Variants in MED27 observed in about 807,000 individuals in gnomAD.
MED27 encodes the protein mediator complex subunit 27.
In MED27, 30 loss-of-function variants were observed where a neutral mutation model predicts 38.2. That is an observed-to-expected ratio of 0.79 (90% CI 0.59 to 1.07). The LOEUF is 1.07. MED27 is among the 50% of genes least tolerant of loss of function. The pLI is 0.00. For synonymous variants in MED27, 122 were observed against 153.5 expected (o/e 0.79, Z 1.52); for missense variants, 289 against 397.5 (o/e 0.73, Z 2.32).
Position 131,913,867 on chromosome 9 carries a change from C to A in MED27, c.574-19875G>T, listed in dbSNP as rs953242106. On this transcript the variant is annotated intron_variant, in intron 4 of 7. Transcript: ENST00000292035. The surrounding 1 kb of genome is among the most constrained non-coding windows in gnomAD (Gnocchi z 4.5). ...TGGCGTGGTACCAAACGCAGGACAG[C>A]ACTCTGCCAGTCTTTGCTGAATGGC... Among the ~76,000 whole-genome samples, 6 of 152,216 alleles carry A rather than the reference C, an allele frequency of 3.9e-5. No homozygotes were observed. Among genetic ancestry groups the A allele is most frequent in the Admixed American group, 2.6e-4 (4 of 15,288 alleles).
At position 131,935,300 on chromosome 9, in the gene MED27, C is replaced by T. The variant is rs1168040327; in HGVS notation, c.573+4081G>A. Among the ~76,000 whole-genome samples the T allele has an allele frequency of 2.0e-5, 3 of 152,166 alleles. No individual in the cohort carries two copies. The East Asian group carries it at 5.8e-4, about 29-fold the overall frequency. The stretch of plus-strand genomic sequence containing the variant: ...CATTTACCAGGATTTGATGATTACA[C>T]ATCACAGGCCTGTATCAAAGTGTCT... On this transcript the variant is annotated intron_variant, in intron 4 of 7. Transcript: ENST00000292035.
chr9:131,984,292 T>C (rs1377553678), intron 3 of MED27, among the ~76,000 whole-genome samples: 3 of 152,180 alleles, frequency 2.0e-5, no homozygotes, highest in Admixed American at 2.0e-4. Context: ...ATTGTTTGTC[T>C]TCCATATTCT....
At chr9:132,032,946 C>A (rs1832994811) in intron 2 of MED27, among the ~76,000 whole-genome samples, 1 of 152,170 alleles carries the variant, frequency 6.6e-6, no homozygotes, top group South Asian at 2.1e-4. Flanking sequence ...ATTCACCTTT[C>A]CAACAAATTT....
At chr9:131,944,670 T>G (rs190509708) in intron 3 of MED27, among the ~76,000 whole-genome samples, 5 of 152,204 alleles carry the variant, frequency 3.3e-5, no homozygotes, top group Admixed American at 2.0e-4. Context: ...TAGCTGGGAT[T>G]ACAGGCACCC....
At chr9:131,943,286 A>T (rs943712270) in intron 3 of MED27, among the ~76,000 whole-genome samples, 1 of 152,216 alleles carries the variant, frequency 6.6e-6, no homozygotes, top group Non-Finnish European at 1.5e-5. Context: ...TTCGAAACAC[A>T]AATCAACCAC....
intron 3 of MED27, among the ~76,000 whole-genome samples, chr9:131,950,682 C>T (rs968561997): frequency 4.6e-5 from 7 of 152,106 alleles, no homozygotes; most frequent in East Asian, 3.9e-4. Context: ...CTGAGGAAAC[C>T]GCAGAACCCC....
At chr9:131,895,049 C>T (rs1329480985) in intron 4 of MED27, among the ~76,000 whole-genome samples, 4 of 152,128 alleles carry the variant, frequency 2.6e-5, no homozygotes, top group East Asian at 1.9e-4. Context: ...CAAAAGCCCT[C>T]GCCAGACGGT....
rs565643440 is a variant in MED27, at chr9:131,872,491, A to G, written c.724-9351T>C. ...CCAGACTGTGGCTTCCCTCCAGCCA[A>G]TATCGGCTTCTACGTACTGTGAAGA... On this transcript the variant is annotated intron_variant, in intron 6 of 7. Transcript: ENST00000292035. This position sits in a 1 kb window ranked among gnomAD's most constrained non-coding sequence, Gnocchi z 5.6. Among the ~76,000 whole-genome samples the G allele has an allele frequency of 3.3e-5, 5 of 152,368 alleles. No individual in the cohort carries two copies. The highest frequency in any genetic ancestry group is 2.0e-4 in the Admixed American group (3 of 15,306).
chr9:131,909,506 T>C (rs1830149238), intron 4 of MED27, among the ~76,000 whole-genome samples: 1 of 152,218 alleles, frequency 6.6e-6, no homozygotes, highest in African/African-American at 2.4e-5. Flanking sequence ...ATAAGGCAGA[T>C]TCAAGTCCAG....
At chr9:131,914,185 G>A (rs1830244208) in intron 4 of MED27, among the ~76,000 whole-genome samples, 1 of 152,170 alleles carries the variant, frequency 6.6e-6, no homozygotes, top group South Asian at 2.1e-4. Context: ...CACTCAAAAA[G>A]TATTTGATGA....
intron 3 of MED27, among the ~76,000 whole-genome samples, chr9:131,955,660 T>C (rs1831081929): frequency 6.6e-6 from 1 of 152,202 alleles, no homozygotes; most frequent in Admixed American, 6.5e-5. Context: ...CTTTGAAAGA[T>C]GTAAGTTATA....
At chr9:131,985,782 C>A (rs1276512696) in intron 3 of MED27, among the ~76,000 whole-genome samples, 1 of 151,520 alleles carries the variant, frequency 6.6e-6, no homozygotes, top group Non-Finnish European at 1.5e-5. Flanking sequence ...CAGGAGGGAT[C>A]CAGAAGAAGG....
chr9:132,058,712 C>A (rs1418666775), intron 2 of MED27, among the ~76,000 whole-genome samples: 8 of 152,236 alleles, frequency 5.3e-5, no homozygotes. Context: ...GTGAAGGTCA[C>A]CGGATGACAC....
chr9:132,068,403 C>T (rs1031851755), intron 2 of MED27, among the ~76,000 whole-genome samples: 2 of 152,104 alleles, frequency 1.3e-5, no homozygotes, highest in African/African-American at 4.8e-5. Context: ...CGAAGAGTGA[C>T]AAAATCAGAT....
At chr9:132,019,059 T>G (rs1473610016) in intron 2 of MED27, among the ~76,000 whole-genome samples, 1 of 152,194 alleles carries the variant, frequency 6.6e-6, no homozygotes, top group Non-Finnish European at 1.5e-5. Flanking sequence ...CACCATCTCC[T>G]CTGCCAGTCA....
chr9:131,946,883 T>A (rs1308194654), intron 3 of MED27, among the ~76,000 whole-genome samples: 1 of 152,238 alleles, frequency 6.6e-6, no homozygotes, highest in South Asian at 2.1e-4. Flanking sequence ...CACACTTCCC[T>A]TGGCACCCCA....
chr9:132,011,968 A>G (rs1832496270), intron 3 of MED27, among the ~76,000 whole-genome samples: 1 of 142,382 alleles, frequency 7.0e-6, no homozygotes, highest in East Asian at 2.0e-4. Context: ...TTTTTTTGGC[A>G]TGAGAACAGT....
Position 131,869,081 on chromosome 9 carries a change from C to T in MED27, c.724-5941G>A, listed in dbSNP as rs538482462. On this transcript the variant is annotated intron_variant, in intron 6 of 7. Transcript: ENST00000292035. ...ATATATTCTCTTCCACTGCCAAGTG[C>T]TGGCAGCTTTTTCCAGCGCTGATGC... The T allele has an allele frequency of 1.2e-5, 12 of 985,442 alleles. No individual in the cohort carries two copies. In the African/African-American group the frequency reaches 1.7e-4, roughly 14 times the overall value. The allele number at this position is 985,442 out of a possible 1,614,324, so 61.0% of individuals were successfully genotyped here.
At chr9:132,058,940 T>C (rs1380034498) in intron 2 of MED27, among the ~76,000 whole-genome samples, 1 of 152,216 alleles carries the variant, frequency 6.6e-6, no homozygotes, top group East Asian at 1.9e-4. Context: ...TTACACTTTA[T>C]GGCACTTTAC....
Sources: gnomAD v4.1 joint callset for allele counts (sites outside exome capture counted in the v4.1 genomes callset) on GRCh38, gnomAD v4.1.1 for gene constraint, Gnocchi (gnomAD v3.1) non-coding constraint, MANE v1.5 for transcripts, NCBI Gene and HGNC (gene_info 2026-07-23, HGNC 2026-07-21) for gene names.